The following FHIT variants were observed in gnomAD, a reference collection of about 807,000 sequenced individuals.
The protein encoded by FHIT is bis(5'-adenosyl)-triphosphatase.
In FHIT, 19 loss-of-function variants were observed where a neutral mutation model predicts 17.9. The observed-to-expected ratio is 1.06, with a 90% CI of 0.74 to 1.56. The LOEUF (loss-of-function observed/expected upper bound fraction) is 1.56, where lower values mean the gene tolerates loss of function less well. FHIT is among the 40% of genes most tolerant of loss of function. The pLI is 0.00. For synonymous variants in FHIT, 81 were observed against 69.7 expected, an observed-to-expected ratio of 1.16 and a Z score of -0.81; for missense variants, 248 against 189.2, an observed-to-expected ratio of 1.31 and a Z score of -1.82.
intron 3 of FHIT, among the ~76,000 whole-genome samples, chr3:61,019,906 T>G (rs971649834): frequency 1.3e-5 from 2 of 152,202 alleles, no homozygotes; most frequent in African/African-American, 4.8e-5. Context: ...GGGATACATG[T>G]GTAGAACGTG....
chr3:59,875,126 G>C (rs1462367400), intron 8 of FHIT, among the ~76,000 whole-genome samples: 1 of 152,174 alleles, frequency 6.6e-6, no homozygotes, highest in Non-Finnish European at 1.5e-5. Flanking sequence ...CAGAGGAGAA[G>C]AGTGCTTTGA....
intron 5 of FHIT, among the ~76,000 whole-genome samples, chr3:60,307,432 ATTCTCACT>A: frequency 6.6e-6 from 1 of 152,178 alleles, no homozygotes. Flanking sequence ...TTTAAAATCC[ATTCTCACT>A]GATACAGGGG....
At chr3:60,101,049 C>G (rs1368783829) in intron 5 of FHIT, among the ~76,000 whole-genome samples, 2 of 152,130 alleles carry the variant, frequency 1.3e-5, no homozygotes, top group Non-Finnish European at 2.9e-5. Flanking sequence ...AAGTCTACCC[C>G]CTAGGCCAGA....
At chr3:60,522,957 G>C (rs953277333) in intron 5 of FHIT, among the ~76,000 whole-genome samples, 13 of 152,110 alleles carry the variant, frequency 8.5e-5, no homozygotes, top group African/African-American at 2.9e-4. Flanking sequence ...ACGTGGCTGG[G>C]GAGGCCTCAC....
At chr3:60,250,196 AC>A (rs2107589827) in intron 5 of FHIT, among the ~76,000 whole-genome samples, 1 of 152,298 alleles carries the variant, frequency 6.6e-6, no homozygotes, top group Admixed American at 6.5e-5. Context: ...ATAAAGTCGC[AC>A]CTACAGCTGA....
At chr3:60,760,195 C>G (rs1052634429) in intron 4 of FHIT, among the ~76,000 whole-genome samples, 1 of 152,110 alleles carries the variant, frequency 6.6e-6, no homozygotes, top group Non-Finnish European at 1.5e-5. Flanking sequence ...CCAAATGATG[C>G]AGGAGAGAAC....
At chr3:60,929,065 G>A (rs1041765019) in intron 3 of FHIT, among the ~76,000 whole-genome samples, 15 of 152,082 alleles carry the variant, frequency 9.9e-5, no homozygotes, top group African/African-American at 3.4e-4. Flanking sequence ...TTCAACATAC[G>A]CAAATCAATA....
intron 5 of FHIT, among the ~76,000 whole-genome samples, chr3:60,285,083 A>T (rs901166224): frequency 4.0e-5 from 6 of 151,740 alleles, no homozygotes; most frequent in Non-Finnish European, 8.8e-5. Flanking sequence ...TCCCTCTCCA[A>T]CTCCTTTTTA....
chr3:60,403,875 T>A (rs1454956546), intron 5 of FHIT, among the ~76,000 whole-genome samples: 1 of 152,242 alleles, frequency 6.6e-6, no homozygotes, highest in East Asian at 1.9e-4. Flanking sequence ...TAAATTTGTA[T>A]GCCTTTTCTT....
chr3:60,847,404 T>A (rs1323126007), intron 3 of FHIT, among the ~76,000 whole-genome samples: 1 of 151,916 alleles, frequency 6.6e-6, no homozygotes, highest in African/African-American at 2.4e-5. Context: ...GTGAATCCAC[T>A]GCACACAGAA....
At chr3:60,836,669 T>C (rs2106842009) in intron 3 of FHIT, among the ~76,000 whole-genome samples, 1 of 152,266 alleles carries the variant, frequency 6.6e-6, no homozygotes, top group Non-Finnish European at 1.5e-5. Flanking sequence ...ATGCCCACTG[T>C]TTACAGAGTC....
intron 8 of FHIT, among the ~76,000 whole-genome samples, chr3:59,800,205 T>C (rs4455289): frequency 0.74 from 111,885 of 152,128 alleles, 41,777 homozygotes; most frequent in Middle Eastern, 0.84. Context: ...TGGGTTATAA[T>C]GCCATGTCCT....
At chr3:60,793,460 G>T (rs1175245031) in intron 4 of FHIT, among the ~76,000 whole-genome samples, 1 of 151,974 alleles carries the variant, frequency 6.6e-6, no homozygotes, top group African/African-American at 2.4e-5. Context: ...CTGCTACCAC[G>T]CCCAGCTAAT....
At chr3:60,112,782 T>A (rs1576125123) in intron 5 of FHIT, among the ~76,000 whole-genome samples, 1 of 152,156 alleles carries the variant, frequency 6.6e-6, no homozygotes, top group East Asian at 1.9e-4. Flanking sequence ...CATAGGAGCA[T>A]GATGGAAGCA....
chr3:60,510,631 A>T (rs1191915216), intron 5 of FHIT, among the ~76,000 whole-genome samples: 1 of 26,522 alleles, frequency 3.8e-5, no homozygotes, highest in Non-Finnish European at 9.0e-5. Context: ...CTTCCAAGAC[A>T]GAGATGTGAG....
intron 1 of FHIT, among the ~76,000 whole-genome samples, chr3:61,215,288 A>C (rs2039636460): frequency 6.6e-6 from 1 of 151,578 alleles, no homozygotes; most frequent in Admixed American, 6.6e-5. Flanking sequence ...AAATCTCCTT[A>C]AGCTGATAAG....
intron 7 of FHIT, among the ~76,000 whole-genome samples, chr3:59,950,925 C>T (rs1307019658): frequency 6.6e-6 from 1 of 152,160 alleles, no homozygotes; most frequent in African/African-American, 2.4e-5. Context: ...TTAGGATGAA[C>T]CACATGAAAT....
intron 5 of FHIT, among the ~76,000 whole-genome samples, chr3:60,459,730 C>T (rs2032338728): frequency 6.6e-6 from 1 of 152,144 alleles, no homozygotes; most frequent in African/African-American, 2.4e-5. Flanking sequence ...TGAGCATGAA[C>T]AAATTAAAAT....
chr3:60,053,978 A>G (rs1575987091), intron 5 of FHIT, among the ~76,000 whole-genome samples: 2 of 152,190 alleles, frequency 1.3e-5, no homozygotes, highest in African/African-American at 2.4e-5. Flanking sequence ...ATCAGAAGCC[A>G]TATATATTGT....
Sources: allele counts gnomAD v4.1 joint callset (sites outside exome capture counted in the v4.1 genomes callset), GRCh38; gene constraint gnomAD v4.1.1; transcripts MANE v1.5; gene names NCBI Gene and HGNC (gene_info 2026-07-23, HGNC 2026-07-21).